Variants in RCHY1 observed in about 807,000 individuals in gnomAD.
The protein encoded by RCHY1 is RING finger and CHY zinc finger domain-containing protein 1.
In RCHY1, 21 loss-of-function variants were observed where a neutral mutation model predicts 41.6. The ratio of observed to expected loss-of-function variants is 0.51; its 90% confidence interval spans 0.36 to 0.73. The LOEUF (loss-of-function observed/expected upper bound fraction) is 0.73. RCHY1 is among the 30% of genes least tolerant of loss of function. The probability of loss-of-function intolerance (pLI) is 0.00; values close to 1 mark genes in which losing one functional copy is unlikely to be tolerated. For missense variants in RCHY1, 265 were observed against 325.3 expected (o/e 0.81, Z 1.43); for synonymous variants, 79 against 102.9 (o/e 0.77, Z 1.41).
In RCHY1 at chr4:75,479,322, A is replaced by T. The variant is rs1444786039; in HGVS notation, c.*3216T>A. ...AGTGGCATAGTTTTGAACAACTCCC[A>T]TTTAAAATTAATTCATTTCAAATTA... On this transcript the variant is annotated 3_prime_UTR_variant, in exon 9 of 9. Transcript: ENST00000324439. 1 of 152,108 alleles carries T rather than the reference A, an allele frequency of 6.6e-6. No individual in the cohort carries two copies. The highest frequency in any genetic ancestry group is 6.5e-5 in the Admixed American group (1 of 15,270). 9.4% of individuals were successfully genotyped at this position (152,108 alleles called of 1,614,324 possible). A position where few individuals can be genotyped will look rare whatever the true frequency, so the allele number is the denominator to read the frequency against.
Position 75,482,425 on chromosome 4 carries a change from G to A in RCHY1, c.*113C>T, listed in dbSNP as rs753374006. 15 of 971,942 alleles carry A rather than the reference G, an allele frequency of 1.5e-5. No homozygotes were observed. Among genetic ancestry groups the A allele is most frequent in the Non-Finnish European group, 2.2e-5 (15 of 688,926 alleles). The allele number at this position is 971,942 out of a possible 1,614,324, so 60.2% of individuals were successfully genotyped here. On this transcript the variant is annotated 3_prime_UTR_variant, in exon 9 of 9. Coordinates refer to ENST00000324439, the MANE Select transcript of RCHY1 (RefSeq NM_015436.4). ...AATATGATTTTATGCTGTGACACTA[G>A]TACAAAACACATCAACTCTAATGCA...
At chr4:75,508,105 A>C (rs2148772197) in intron 3 of RCHY1, among the ~76,000 whole-genome samples, 1 of 152,200 alleles carries the variant, frequency 6.6e-6, no homozygotes, top group South Asian at 2.1e-4. Context: ...AACAAAAAAA[A>C]CAAAAAAAAA....
At chr4:75,490,898 C>T (rs1166122393) in intron 7 of RCHY1, 197 bp from the exon 8 acceptor site, 11 of 435,064 alleles carry the variant, frequency 2.5e-5, no homozygotes, top group Non-Finnish European at 4.1e-5. Flanking sequence ...TTATTTAAAA[C>T]TAAGTCTTTT....
chr4:75,497,415 A>G (rs1723313674), intron 3 of RCHY1, among the ~76,000 whole-genome samples: 1 of 152,146 alleles, frequency 6.6e-6, no homozygotes, highest in Non-Finnish European at 1.5e-5. Flanking sequence ...AAATAAGGCA[A>G]ATGCTGAGCT....
intron 3 of RCHY1, among the ~76,000 whole-genome samples, chr4:75,497,363 G>A (rs1193516164): frequency 6.6e-6 from 1 of 152,142 alleles, no homozygotes; most frequent in Non-Finnish European, 1.5e-5. Flanking sequence ...CAATCACCAA[G>A]TTTCATCCAA....
chr4:75,508,884 C>A lies in RCHY1; in HGVS notation c.262G>T (p.Asp88Tyr). 1 of 1,611,392 alleles carries A rather than the reference C, an allele frequency of 6.2e-7. No individual in the cohort carries two copies. Among genetic ancestry groups the A allele is most frequent in the Non-Finnish European group, 8.5e-7 (1 of 1,178,884 alleles). ...TCTTTGTCAAACAAATGGCATATAT[C>A]GCAATAATATTCTCCAAACAATGTG... ...CSTLFGEYYC[D>Y]ICHLFDKDKK... Residue 88 changes from aspartate (D) to tyrosine (Y), a missense_variant, in exon 3 of 9, where the codon GAT becomes TAT. Physicochemically the swap from Asp to Tyr is radical, Grantham distance 160. Transcript: ENST00000324439.
chr4:75,484,657 C>T (rs897394679), intron 8 of RCHY1, among the ~76,000 whole-genome samples: 1 of 152,178 alleles, frequency 6.6e-6, no homozygotes, highest in Non-Finnish European at 1.5e-5. Context: ...AGCAATCTAC[C>T]TTCTGGCTCT....
chr4:75,498,615 A>C (rs191558219), intron 3 of RCHY1, among the ~76,000 whole-genome samples: 3 of 152,270 alleles, frequency 2.0e-5, no homozygotes, highest in African/African-American at 7.2e-5. Context: ...TGCAGAACAG[A>C]GAATCCACAT....
chr4:75,493,203 C>T (rs1468725825), intron 4 of RCHY1, among the ~76,000 whole-genome samples: 1 of 151,990 alleles, frequency 6.6e-6, no homozygotes, highest in Non-Finnish European at 1.5e-5. Flanking sequence ...AATTTACAAT[C>T]TACTAATCAA....
Position 75,510,618 on chromosome 4 carries a change from G to A in RCHY1, c.91-1322C>T, listed in dbSNP as rs201526982. 2.6e-5 allele frequency among the ~76,000 whole-genome samples: 4 copies of A among 152,124 alleles called. No homozygotes were observed. In the East Asian group the frequency reaches 5.8e-4, roughly 22 times the overall value. On this transcript the variant is annotated intron_variant, in intron 1 of 8. Transcript: ENST00000324439. ...AACCCACTATTCTCATAGTTATACC[G>A]CAGAACAGTAGTTCTCAAATGGTTT...
At position 75,509,368 on chromosome 4, in the gene RCHY1, T is replaced by C. The variant is rs1040101641; in HGVS notation, c.91-72A>G. On this transcript the variant is annotated intron_variant, in intron 1 of 8. Transcript: ENST00000324439. Reference sequence around the variant, plus strand: ...CTAAGTGTGCAATACAAAAAGAAAATTTCTTCCTCCTCCTCCTGGATGGAA... The same window carrying C: ...CTAAGTGTGCAATACAAAAAGAAAACTTCTTCCTCCTCCTCCTGGATGGAA... The C allele has an allele frequency of 2.7e-5, 40 of 1,456,704 alleles. No individual in the cohort carries two copies. In the South Asian group the frequency reaches 3.4e-4, roughly 12 times the overall value. The allele number at this position is 1,456,704 out of a possible 1,614,324, so 90.2% of individuals were successfully genotyped here.
chr4:75,497,447 A>G (rs1049261654), intron 3 of RCHY1, among the ~76,000 whole-genome samples: 4 of 152,150 alleles, frequency 2.6e-5, no homozygotes, highest in Non-Finnish European at 4.4e-5. Context: ...AGCTGTTTCC[A>G]TACCTTACTC....
chr4:75,498,046 C>T lies in RCHY1; in HGVS notation c.327-3867G>A, dbSNP rs1013374693. ...AAAAAAATGAGAGTGAGACTAAAAACACAATACAAAAGACCAATAAAACAA... is the reference window on the plus strand; with the variant it reads ...AAAAAAATGAGAGTGAGACTAAAAATACAATACAAAAGACCAATAAAACAA... On this transcript the variant is annotated intron_variant, in intron 3 of 8. Coordinates refer to ENST00000324439, the MANE Select transcript of RCHY1 (RefSeq NM_015436.4). 8.9e-5 allele frequency among the ~76,000 whole-genome samples: 8 copies of T among 89,694 alleles called. No homozygotes were observed. The East Asian group carries it at 1.4e-3, about 15-fold the overall frequency. The allele number at this position is 89,694 out of a possible 152,430, so 58.8% of individuals were successfully genotyped here.
At chr4:75,503,123 A>C (rs1266357874) in intron 3 of RCHY1, among the ~76,000 whole-genome samples, 1 of 152,204 alleles carries the variant, frequency 6.6e-6, no homozygotes, top group African/African-American at 2.4e-5. Context: ...TGCACATTAT[A>C]GGATGTTTAG....
chr4:75,504,535 T>C (rs917938980), intron 3 of RCHY1, among the ~76,000 whole-genome samples: 15 of 152,212 alleles, frequency 9.9e-5, no homozygotes, highest in Admixed American at 6.5e-4. Flanking sequence ...ATACAAAATA[T>C]GTATTAATTG....
chr4:75,493,559 T>A (rs1321321048), intron 4 of RCHY1, among the ~76,000 whole-genome samples: 1 of 151,870 alleles, frequency 6.6e-6, no homozygotes, highest in African/African-American at 2.4e-5. Flanking sequence ...CACTTCACTT[T>A]ACACCAATCC....
At chr4:75,502,390 A>C (rs1723864114) in intron 3 of RCHY1, among the ~76,000 whole-genome samples, 1 of 151,944 alleles carries the variant, frequency 6.6e-6, no homozygotes, top group South Asian at 2.1e-4. Context: ...AATACAAAAA[A>C]TTAGCCAGGC....
chr4:75,507,377 T>A lies in RCHY1; in HGVS notation c.326+1443A>T, dbSNP rs116326063. The stretch of plus-strand genomic sequence containing the variant: ...GAAAAATGTATAACTAACAAGCCTA[T>A]AGAGAATAAAAGCAAATAGGAAAGC... On this transcript the variant is annotated intron_variant, in intron 3 of 8. Transcript: ENST00000324439. 4.6e-3 allele frequency among the ~76,000 whole-genome samples: 692 copies of A among 151,400 alleles called. 8 individuals are homozygous for A. Among genetic ancestry groups the A allele is most frequent in the African/African-American group, 0.016 (648 of 41,268 alleles).
chr4:75,491,757 G>T lies in RCHY1; in HGVS notation c.476C>A (p.Ala159Asp). The change falls in exon 6 of 9, where the codon GCT becomes GAT. Residue 159 changes from alanine (A) to aspartate (D), a missense_variant. Transcript: ENST00000324439. ...LEDIHTSRVV[A>D]HVLPCGHLLH... ...AAGATGTCCACATGGCAAGACATGA[G>T]CAACAACACGGGATGTGTGAATGTC... is the stretch of plus-strand genomic sequence containing the variant. The T allele has an allele frequency of 6.2e-7, 1 of 1,612,966 alleles. No individual in the cohort carries two copies.
Sources: gnomAD v4.1 joint callset for allele counts (sites outside exome capture counted in the v4.1 genomes callset) on GRCh38, gnomAD v4.1.1 for gene constraint, MANE v1.5 for transcripts, NCBI Gene and HGNC (gene_info 2026-07-23, HGNC 2026-07-21) for gene names.